Variants in CASK observed in about 807,000 individuals in gnomAD.
CASK encodes the protein peripheral plasma membrane protein CASK.
In CASK, 4 loss-of-function variants were observed where a neutral mutation model predicts 82.9. The ratio of observed to expected loss-of-function variants is 0.05; its 90% CI spans 0.02 to 0.11. The LOEUF is 0.11. CASK is among the 10% of genes least tolerant of loss of function. The pLI is 1.00. For synonymous variants in CASK, 259 were observed against 253.5 expected (o/e 1.02, Z -0.20); for missense variants, 358 against 720.9 (o/e 0.50, Z 5.76).
At chrX:41,593,438 G>A (rs2065774426) in intron 12 of CASK, among the ~76,000 whole-genome samples, 1 of 111,687 alleles carries the variant, frequency 9.0e-6, no homozygotes, top group African/African-American at 3.3e-5. Flanking sequence ...GTACTAAAAT[G>A]TGGGGTTCTA....
At chrX:41,615,895 G>A (rs1246568591) in intron 11 of CASK, among the ~76,000 whole-genome samples, 3 of 111,988 alleles carry the variant, frequency 2.7e-5, no homozygotes, top group Non-Finnish European at 3.8e-5. Context: ...CCAAAGTGCC[G>A]GGACTACAGG....
intron 16 of CASK, chrX:41,562,447 G>A (rs973190679): frequency 2.7e-5 from 3 of 111,864 alleles, no homozygotes; most frequent in Non-Finnish European, 5.6e-5. Flanking sequence ...TTAAGTACAC[G>A]TGGGCCATTT....
intron 2 of CASK, among the ~76,000 whole-genome samples, chrX:41,806,813 C>T (rs900755771): frequency 1.8e-5 from 2 of 111,751 alleles, no homozygotes; most frequent in African/African-American, 6.5e-5. Context: ...AAAACACACA[C>T]AGCTACAATA....
intron 5 of CASK, among the ~76,000 whole-genome samples, chrX:41,704,535 G>A (rs1053063265): frequency 3.6e-5 from 4 of 111,811 alleles, no homozygotes; most frequent in African/African-American, 1.3e-4. Context: ...AGAAAGAATT[G>A]GCTGTTCACT....
At chrX:41,583,547 G>A (rs1028784957) in intron 14 of CASK, among the ~76,000 whole-genome samples, 2 of 109,192 alleles carry the variant, frequency 1.8e-5, no homozygotes, top group Non-Finnish European at 3.8e-5. Context: ...GGTGATTCTT[G>A]TGCCTCAGCC....
intron 5 of CASK, among the ~76,000 whole-genome samples, chrX:41,690,872 C>T (rs771071348): frequency 9.4e-6 from 1 of 106,767 alleles, no homozygotes; most frequent in South Asian, 4.2e-4. Flanking sequence ...AGGGTTTCAC[C>T]ATCTTGCCCA....
At chrX:41,921,699 AT>A (rs1480256951) in intron 1 of CASK, among the ~76,000 whole-genome samples, 1 of 110,722 alleles carries the variant, frequency 9.0e-6, no homozygotes, top group Non-Finnish European at 1.9e-5. Flanking sequence ...CAATTTCACC[AT>A]GTGAGGCAAC....
At chrX:41,726,503 C>T (rs1395650260) in intron 5 of CASK, among the ~76,000 whole-genome samples, 1 of 111,185 alleles carries the variant, frequency 9.0e-6, no homozygotes, top group Non-Finnish European at 1.9e-5. Flanking sequence ...TTTAGCCTAG[C>T]CACAAAAAGA....
At chrX:41,593,853 G>A (rs780596026) in intron 12 of CASK, among the ~76,000 whole-genome samples, 7 of 112,393 alleles carry the variant, frequency 6.2e-5, no homozygotes, top group Non-Finnish European at 7.5e-5. Context: ...TAGAAACATA[G>A]TGCTTTTGGA....
rs73470569 is a variant in CASK at position 41,610,031 on chromosome X, G to A, written c.1034-6C>T. 19,737 of 1,207,117 alleles carry A rather than the reference G, an allele frequency of 0.016. 2,092 individuals are homozygous for A. The African/African-American group carries it at 0.31, about 19-fold the overall frequency. Reference sequence around the variant, plus strand: ...CAGCACCTGTGAGACTGCTCCTAAGGGGGACAAACAGAAAAGAAACAGCCA... The same window carrying A: ...CAGCACCTGTGAGACTGCTCCTAAGAGGGACAAACAGAAAAGAAACAGCCA... On this transcript the variant is annotated splice_polypyrimidine_tract_variant and splice_region_variant and intron_variant, in intron 11 of 26. Coordinates refer to ENST00000378163, the MANE Select transcript of CASK (RefSeq NM_001367721.1).
intron 1 of CASK, among the ~76,000 whole-genome samples, chrX:41,885,819 T>C (rs996486942): frequency 8.9e-6 from 1 of 111,865 alleles, no homozygotes; most frequent in Admixed American, 9.5e-5. Flanking sequence ...TGGTCTCCAT[T>C]GCTTTAATTT....
At chrX:41,563,430 C>A (rs2065261801) in intron 16 of CASK, among the ~76,000 whole-genome samples, 1 of 92,689 alleles carries the variant, frequency 1.1e-5, no homozygotes, top group African/African-American at 4.0e-5. Context: ...TAGCCAAAAC[C>A]AATAGAAAGT....
intron 14 of CASK, among the ~76,000 whole-genome samples, chrX:41,582,493 T>C (rs2065595403): frequency 9.0e-6 from 1 of 110,585 alleles, no homozygotes; most frequent in African/African-American, 3.3e-5. Context: ...TTTTTGTGTT[T>C]TTAGTAGAGA....
chrX:41,899,241 T>A (rs1239733150), intron 1 of CASK, among the ~76,000 whole-genome samples: 2 of 111,597 alleles, frequency 1.8e-5, no homozygotes, highest in Non-Finnish European at 3.8e-5. Flanking sequence ...CCACCTCTAT[T>A]TCTTTTGGTT....
chrX:41,740,633 A>T (rs1033849434), intron 4 of CASK, among the ~76,000 whole-genome samples: 1 of 112,167 alleles, frequency 8.9e-6, no homozygotes, highest in South Asian at 3.6e-4. Context: ...GTTCCATTTT[A>T]AAAATGAAAG....
At chrX:41,849,615 ACT>A (rs2071222211) in intron 2 of CASK, among the ~76,000 whole-genome samples, 2 of 111,698 alleles carry the variant, frequency 1.8e-5, no homozygotes, top group Non-Finnish European at 3.8e-5. Context: ...AGAGCTATGG[ACT>A]CTCTAAAAAA....
rs765047960 is a variant in CASK at position 41,626,738 on chromosome X, A to T, written c.916-35T>A. 6 of 816,109 alleles carry T rather than the reference A, an allele frequency of 7.4e-6. No individual in the cohort carries two copies. In the African/African-American group the frequency reaches 1.2e-4, roughly 17 times the overall value. The allele number at this position is 816,109 out of a possible 1,213,427, so 67.3% of individuals were successfully genotyped here. A position where few individuals can be genotyped will look rare whatever the true frequency, so the allele number is the denominator to read the frequency against. On this transcript the variant is annotated intron_variant, in intron 9 of 26. Coordinates refer to ENST00000378163, the MANE Select transcript of CASK (RefSeq NM_001367721.1). ...AGAGATGAAAAAATAGATTATTAAAACAAATACACAAATATAAATAAGTTA... is the reference window on the plus strand; with the variant it reads ...AGAGATGAAAAAATAGATTATTAAATCAAATACACAAATATAAATAAGTTA...
intron 5 of CASK, among the ~76,000 whole-genome samples, chrX:41,713,343 T>C (rs997039042): frequency 2.7e-5 from 3 of 112,112 alleles, no homozygotes; most frequent in Non-Finnish European, 3.8e-5. Context: ...GATGGAAAGG[T>C]AGATTTCCAG....
intron 8 of CASK, among the ~76,000 whole-genome samples, chrX:41,640,865 CAG>C (rs2066636740): frequency 9.1e-6 from 1 of 109,330 alleles, no homozygotes; most frequent in Non-Finnish European, 1.9e-5. Flanking sequence ...GAGGTGAGGA[CAG>C]AGTCAAAATG....
Sources: gnomAD v4.1 joint callset for allele counts (sites outside exome capture counted in the v4.1 genomes callset) on GRCh38, gnomAD v4.1.1 for gene constraint, MANE v1.5 for transcripts, NCBI Gene and HGNC (gene_info 2026-07-23, HGNC 2026-07-21) for gene names.